Variants in PRDM16 observed in about 807,000 individuals in gnomAD.
The protein encoded by PRDM16 is PR/SET domain 16, also known as histone-lysine N-methyltransferase PRDM16.
In PRDM16, 23 loss-of-function variants were observed where a neutral mutation model predicts 110.6. The observed-to-expected ratio is 0.21, with a 90% CI of 0.15 to 0.29. The LOEUF (loss-of-function observed/expected upper bound fraction) is 0.29, where lower values mean the gene tolerates loss of function less well. Among genes scored for constraint, PRDM16 ranks in the 10% least tolerant of loss-of-function variants. The pLI is 1.00. For missense variants in PRDM16, 1,615 were observed against 1,794.3 expected (o/e 0.90, Z 1.81); for synonymous variants, 799 against 781.8 (o/e 1.02, Z -0.37).
intron 2 of PRDM16, among the ~76,000 whole-genome samples, chr1:3,229,843 A>G (rs1266569624): frequency 6.6e-6 from 1 of 152,152 alleles, no homozygotes; most frequent in Non-Finnish European, 1.5e-5. Context: ...ATTCTCAGAC[A>G]CGGGCGGGAG....
rs538577212 is a variant in PRDM16, at chr1:3,297,493, A to C, written c.438+53356A>C. Among the ~76,000 whole-genome samples the C allele has an allele frequency of 2.0e-4, 31 of 152,224 alleles. 1 individual carries two copies. In the East Asian group the frequency reaches 6.0e-3, roughly 30 times the overall value. ...GAGACGGGGTTTTGCCATGTTGGCT[A>C]GGCTGGTCTCAAACTCCTGACCTCA... is the stretch of plus-strand genomic sequence containing the variant. On this transcript the variant is annotated intron_variant, in intron 3 of 16. Coordinates refer to ENST00000270722, the MANE Select transcript of PRDM16 (RefSeq NM_022114.4).
At chr1:3,327,076 G>A (rs1306682080) in intron 3 of PRDM16, among the ~76,000 whole-genome samples, 1 of 152,254 alleles carries the variant, frequency 6.6e-6, no homozygotes, top group African/African-American at 2.4e-5. Context: ...CTGCAGGCAA[G>A]GCGAGGAGGC....
chr1:3,273,673 CTGTG>C (rs751412198), intron 3 of PRDM16, among the ~76,000 whole-genome samples: 3 of 150,884 alleles, frequency 2.0e-5, no homozygotes, highest in Non-Finnish European at 4.4e-5. Context: ...GGGTACATTC[CTGTG>C]TGTGTGTGCA....
At chr1:3,129,446 CATGTGTCTGTGTGTGCAT>C (rs907578032) in intron 1 of PRDM16, among the ~76,000 whole-genome samples, 2 of 150,826 alleles carry the variant, frequency 1.3e-5, no homozygotes, top group Non-Finnish European at 3.0e-5. Flanking sequence ...TCCTGGTGTG[CATGTGTCTGTGTGTGCAT>C]GTGTGTGTGT....
intron 1 of PRDM16, among the ~76,000 whole-genome samples, chr1:3,183,934 G>A (rs1644239040): frequency 2.0e-5 from 3 of 152,066 alleles, no homozygotes; most frequent in African/African-American, 7.2e-5. Context: ...CCTCCAACCC[G>A]ACTTTGTTTG....
rs550583904 is a variant in PRDM16 at position 3,218,960 on chromosome 1, C to G, written c.388-25127C>G. Among the ~76,000 whole-genome samples, 9 of 152,360 alleles carry G rather than the reference C, an allele frequency of 5.9e-5. 1 individual carries two copies. The East Asian group carries it at 1.2e-3, about 20-fold the overall frequency. ...GCCACCTGCCAATCCCAATGGCTTT[C>G]CGAAAGTTCACAGCCTGGGGCCCAG... On this transcript the variant is annotated intron_variant, in intron 2 of 16. Transcript: ENST00000270722.
chr1:3,169,786 C>A (rs1644004246), intron 1 of PRDM16, among the ~76,000 whole-genome samples: 1 of 152,216 alleles, frequency 6.6e-6, no homozygotes, highest in Non-Finnish European at 1.5e-5. Flanking sequence ...CCCGCAGCCC[C>A]TGGTTCCCCC....
intron 2 of PRDM16, among the ~76,000 whole-genome samples, chr1:3,219,890 C>A (rs1023368363): frequency 6.6e-6 from 1 of 152,192 alleles, no homozygotes; most frequent in Non-Finnish European, 1.5e-5. Flanking sequence ...GGCATGAGGT[C>A]CCCCGGATCC....
chr1:3,104,631 A>G (rs1227339243), intron 1 of PRDM16, among the ~76,000 whole-genome samples: 1 of 116,582 alleles, frequency 8.6e-6, no homozygotes, highest in Non-Finnish European at 1.7e-5. Flanking sequence ...CCCTCTCCCC[A>G]GACCCCTTCT....
At chr1:3,408,567 TGCGTGTGAGA>T (rs1643601501) in intron 8 of PRDM16, among the ~76,000 whole-genome samples, 2 of 143,510 alleles carry the variant, frequency 1.4e-5, no homozygotes, top group South Asian at 2.4e-4. Flanking sequence ...CATGTGTCGG[TGCGTGTGAGA>T]GCGTGTGAGT....
chr1:3,351,625 TC>T (rs1557627002), intron 3 of PRDM16, among the ~76,000 whole-genome samples: 1 of 33,864 alleles, frequency 3.0e-5, no homozygotes, highest in Non-Finnish European at 6.1e-5. Context: ...CCTCCCTCTC[TC>T]CCCCTCCCTC....
chr1:3,284,341 A>G (rs1640800753), intron 3 of PRDM16, among the ~76,000 whole-genome samples: 1 of 152,174 alleles, frequency 6.6e-6, no homozygotes, highest in African/African-American at 2.4e-5. Context: ...TGTGTTTTTT[A>G]AAGTGTTAAG....
At chr1:3,235,676 A>G (rs1026760665) in intron 2 of PRDM16, among the ~76,000 whole-genome samples, 2 of 152,184 alleles carry the variant, frequency 1.3e-5, no homozygotes, top group African/African-American at 4.8e-5. Context: ...CAGGAACAAC[A>G]GGCCTTCCCC....
rs116047699 is a variant in PRDM16 at position 3,093,825 on chromosome 1, C to T, written c.37+24529C>T. Among the ~76,000 whole-genome samples, 1,161 of 152,276 alleles carry T rather than the reference C, an allele frequency of 7.6e-3. 19 individuals carry two copies. Among genetic ancestry groups the T allele is most frequent in the African/African-American group, 0.026 (1,090 of 41,548 alleles). On this transcript the variant is annotated intron_variant, in intron 1 of 16. Coordinates refer to ENST00000270722, the MANE Select transcript of PRDM16 (RefSeq NM_022114.4). ...TGCCCAATGTAGCCCAGCTCCGAAG[C>T]GCAGGGAAGGAGGGGGAACGTGCGG...
At chr1:3,377,596 G>A (rs973141552) in intron 3 of PRDM16, among the ~76,000 whole-genome samples, 12 of 152,208 alleles carry the variant, frequency 7.9e-5, no homozygotes, top group Non-Finnish European at 1.3e-4. Context: ...GGACAGGAGG[G>A]CAGTTTCCTT....
Position 3,435,105 on chromosome 1 carries a change from C to T in PRDM16, c.*1294C>T, listed in dbSNP as rs1431880016. On this transcript the variant is annotated 3_prime_UTR_variant, in exon 17 of 17. Coordinates refer to ENST00000270722, the MANE Select transcript of PRDM16 (RefSeq NM_022114.4). ...GACAGCACAGCCCCCCGGGCCCAGCCGCCTCCCTCTCTTGGGACGCAACTT... is the reference window on the plus strand; with the variant it reads ...GACAGCACAGCCCCCCGGGCCCAGCTGCCTCCCTCTCTTGGGACGCAACTT... 3 of 227,216 alleles carry T rather than the reference C, an allele frequency of 1.3e-5. No individual in the cohort carries two copies. Among genetic ancestry groups the T allele is most frequent in the Non-Finnish European group, 2.6e-5 (3 of 114,424 alleles). The allele number at this position is 227,216 out of a possible 1,614,324, so 14.1% of individuals were successfully genotyped here. A position where few individuals can be genotyped will look rare whatever the true frequency, so the allele number is the denominator to read the frequency against.
Position 3,425,808 on chromosome 1 carries a change from G to GGGGGAGGGGGAACAGCA in PRDM16, c.3109+65_3109+81dup, listed in dbSNP as rs1569773766. 1 of 1,596,178 alleles carries GGGGGAGGGGGAACAGCA rather than the reference G, an allele frequency of 6.3e-7. No individual in the cohort carries two copies. Among genetic ancestry groups the GGGGGAGGGGGAACAGCA allele is most frequent in the Non-Finnish European group, 8.6e-7 (1 of 1,168,224 alleles). ...CACCCACACGGGCAGGCCCCACAGA[G>GGGGGAGGGGGAACAGCA]GGGGAGGGGGAACAGCAGGGGAGTG... is the stretch of plus-strand genomic sequence containing the variant. On this transcript the variant is annotated intron_variant, in intron 13 of 16. Coordinates refer to ENST00000270722, the MANE Select transcript of PRDM16 (RefSeq NM_022114.4). This position sits in a 1 kb window ranked among gnomAD's most constrained non-coding sequence, Gnocchi z 6.9.
At chr1:3,411,202 C>T (rs56912733) in intron 8 of PRDM16, among the ~76,000 whole-genome samples, 182 bp from the exon 9 acceptor site, 6 of 152,210 alleles carry the variant, frequency 3.9e-5, no homozygotes, top group Admixed American at 2.6e-4. Flanking sequence ...TACGCACACA[C>T]GCATGTATGC....
intron 3 of PRDM16, chr1:3,309,971 C>T (rs1479062078): frequency 6.6e-6 from 1 of 152,200 alleles, no homozygotes; most frequent in African/African-American, 2.4e-5. Flanking sequence ...GCACACCCGC[C>T]CCATGCGAGC....
Sources: allele counts gnomAD v4.1 joint callset (sites outside exome capture counted in the v4.1 genomes callset), GRCh38; gene constraint gnomAD v4.1.1; non-coding constraint Gnocchi (gnomAD v3.1); transcripts MANE v1.5; gene names NCBI Gene and HGNC (gene_info 2026-07-23, HGNC 2026-07-21).